ARHGEF12: variants seen among roughly 807,000 people sequenced by gnomAD.
The protein encoded by ARHGEF12 is Rho guanine nucleotide exchange factor 12, also known as KMT2A/ARHGEF12 fusion protein.
Under a neutral mutation model 211.2 loss-of-function variants are expected in ARHGEF12, and 66 were observed. The observed-to-expected ratio is 0.31, with a 90% CI of 0.26 to 0.38. The LOEUF (loss-of-function observed/expected upper bound fraction) is 0.38, where lower values mean the gene tolerates loss of function less well. Among genes scored for constraint, ARHGEF12 ranks in the 10% least tolerant of loss-of-function variants. ARHGEF12 has a pLI of 1.00. For missense variants in ARHGEF12, 1,429 were observed against 1,869.5 expected (o/e 0.76, Z 4.34); for synonymous variants, 592 against 638.4 (o/e 0.93, Z 1.09).
chr11:120,402,279 G>A (rs973650942), intron 1 of ARHGEF12, among the ~76,000 whole-genome samples: 1 of 152,124 alleles, frequency 6.6e-6, no homozygotes, highest in East Asian at 1.9e-4. Context: ...TATAGTTTCT[G>A]CACTGATATT....
Position 120,481,351 on chromosome 11 carries a change from A to G in ARHGEF12, c.4329A>G (p.Thr1443=), listed in dbSNP as rs372919103. The G allele has an allele frequency of 6.8e-5, 109 of 1,614,172 alleles. No homozygotes were observed. In the African/African-American group the frequency reaches 1.3e-3, roughly 19 times the overall value. Residue 1443 remains threonine (T), a synonymous_variant, in exon 39 of 41, where the codon ACA becomes ACG. Transcript: ENST00000397843. The part of the protein sequence containing the change: ...VASSLTLQPM[T]GIPAVESTHQ... The stretch of plus-strand genomic sequence containing the variant: ...CCTCACTTACCCTGCAGCCCATGAC[A>G]GGCATCCCTGCTGTGGAATCCACCC...
chr11:120,485,026 T>G, intron 40 of ARHGEF12, 41 bp from the exon 41 acceptor site: 3 of 1,601,316 alleles, frequency 1.9e-6, no homozygotes, highest in Non-Finnish European at 2.6e-6. Flanking sequence ...TAGTATATTC[T>G]TTTTCTTAAT....
chr11:120,465,712 C>T (rs533170933), intron 28 of ARHGEF12, among the ~76,000 whole-genome samples: 20 of 152,292 alleles, frequency 1.3e-4, no homozygotes, highest in African/African-American at 4.8e-4. Context: ...AAGTGATCTG[C>T]CCACCTCGGC....
At chr11:120,368,050 T>C (rs979199069) in intron 1 of ARHGEF12, among the ~76,000 whole-genome samples, 2 of 152,134 alleles carry the variant, frequency 1.3e-5, no homozygotes, top group Non-Finnish European at 2.9e-5. Flanking sequence ...AAAACTAATA[T>C]GGAATTTAAG....
intron 1 of ARHGEF12, among the ~76,000 whole-genome samples, chr11:120,380,362 T>C (rs1386712803): frequency 6.6e-6 from 1 of 152,196 alleles, no homozygotes; most frequent in Admixed American, 6.5e-5. Context: ...ATTTGGATTT[T>C]TCCAGCTTTT....
chr11:120,476,528 C>A, intron 33 of ARHGEF12, 133 bp from the exon 34 acceptor site: 1 of 496,082 alleles, frequency 2.0e-6, no homozygotes, highest in East Asian at 3.1e-5. Flanking sequence ...AAGTGTACAT[C>A]TTGATGAATT....
intron 28 of ARHGEF12, 78 bp downstream of exon 28, chr11:120,465,440 C>A: frequency 6.4e-7 from 1 of 1,554,566 alleles, no homozygotes; most frequent in Non-Finnish European, 8.8e-7. Context: ...GGAATTCTGA[C>A]TAAGACTTTT....
chr11:120,419,385 T>C (rs563383522), intron 4 of ARHGEF12, among the ~76,000 whole-genome samples: 2 of 152,080 alleles, frequency 1.3e-5, no homozygotes, highest in African/African-American at 4.8e-5. Flanking sequence ...TTTTGTTACA[T>C]GTATTTTATC....
chr11:120,347,497 T>G (rs972793493), intron 1 of ARHGEF12, among the ~76,000 whole-genome samples: 1 of 152,066 alleles, frequency 6.6e-6, no homozygotes, highest in African/African-American at 2.4e-5. Context: ...CAGAATCATT[T>G]ATAAAAATCC....
intron 6 of ARHGEF12, 144 bp downstream of exon 6, chr11:120,421,996 C>T (rs1221491103): frequency 2.8e-5 from 17 of 601,298 alleles, no homozygotes; most frequent in Non-Finnish European, 4.6e-5. Flanking sequence ...AAACTTATTT[C>T]ATTTGTTTTA....
chr11:120,483,861 G>A (rs1461570820), intron 39 of ARHGEF12, among the ~76,000 whole-genome samples: 1 of 152,130 alleles, frequency 6.6e-6, no homozygotes, highest in African/African-American at 2.4e-5. Flanking sequence ...TGATCCGCCT[G>A]CCTCGGCCTC....
intron 1 of ARHGEF12, among the ~76,000 whole-genome samples, chr11:120,345,162 C>G (rs1171184452): frequency 6.6e-6 from 1 of 152,132 alleles, no homozygotes; most frequent in Non-Finnish European, 1.5e-5. Flanking sequence ...GTTTCTGTCT[C>G]TAGTGATAAA....
intron 1 of ARHGEF12, among the ~76,000 whole-genome samples, chr11:120,376,811 G>A (rs1246802207): frequency 1.3e-5 from 2 of 151,814 alleles, no homozygotes; most frequent in African/African-American, 2.4e-5. Context: ...ACCCTTCCCA[G>A]CCTCTGGTAA....
intron 20 of ARHGEF12, 83 bp from the exon 21 acceptor site, chr11:120,449,026 C>G (rs1946128676): frequency 8.8e-7 from 1 of 1,136,482 alleles, no homozygotes; most frequent in South Asian, 1.5e-5. Flanking sequence ...TTTCTTTGAA[C>G]TAACCATTAG....
At chr11:120,371,846 C>T (rs1943598350) in intron 1 of ARHGEF12, among the ~76,000 whole-genome samples, 1 of 152,150 alleles carries the variant, frequency 6.6e-6, no homozygotes, top group Admixed American at 6.5e-5. Flanking sequence ...AAATACTGTC[C>T]ACCAAGGTTT....
At chr11:120,482,605 T>A (rs1421721399) in intron 39 of ARHGEF12, among the ~76,000 whole-genome samples, 2 of 151,688 alleles carry the variant, frequency 1.3e-5, no homozygotes, top group Non-Finnish European at 1.5e-5. Context: ...ATCAGCCAGG[T>A]GTGGTGGTGG....
At chr11:120,483,442 TA>T (rs1423694169) in intron 39 of ARHGEF12, among the ~76,000 whole-genome samples, 2 of 148,434 alleles carry the variant, frequency 1.3e-5, no homozygotes, top group African/African-American at 5.0e-5. Flanking sequence ...TTTTTTTTTT[TA>T]AATGGAGTCT....
At chr11:120,465,902 C>G (rs1946693347) in intron 28 of ARHGEF12, among the ~76,000 whole-genome samples, 1 of 152,122 alleles carries the variant, frequency 6.6e-6, no homozygotes, top group South Asian at 2.1e-4. Flanking sequence ...TGCCACGAGG[C>G]TTTTATCAGT....
At chr11:120,371,669 A>C (rs1943592276) in intron 1 of ARHGEF12, among the ~76,000 whole-genome samples, 2 of 152,256 alleles carry the variant, frequency 1.3e-5, no homozygotes, top group African/African-American at 2.4e-5. Context: ...AAGTTATTAC[A>C]GTGAGATCAG....
Sources: gnomAD v4.1 joint callset for allele counts (sites outside exome capture counted in the v4.1 genomes callset) on GRCh38, gnomAD v4.1.1 for gene constraint, MANE v1.5 for transcripts, NCBI Gene and HGNC (gene_info 2026-07-23, HGNC 2026-07-21) for gene names.